Variants in VPS41 observed in about 807,000 individuals in gnomAD.
VPS41 encodes VPS41 subunit of HOPS complex.
In VPS41, 85 loss-of-function variants were observed where a neutral mutation model predicts 130.9. The observed-to-expected ratio is 0.65, with a 90% CI of 0.55 to 0.78. The LOEUF is 0.78. Ranked by LOEUF, VPS41 falls within the 30% of genes least tolerant of loss-of-function variation. The pLI, the probability that VPS41 is intolerant of heterozygous loss-of-function variation, is 0.00. For synonymous variants in VPS41, 335 were observed against 332.9 expected (o/e 1.01, Z -0.07); for missense variants, 874 against 1,018.7 (o/e 0.86, Z 1.93).
chr7:38,800,899 T>C (rs1344994404), intron 7 of VPS41, among the ~76,000 whole-genome samples: 2 of 152,226 alleles, frequency 1.3e-5, no homozygotes, highest in Non-Finnish European at 1.5e-5. Context: ...TTGAGGCATA[T>C]TGAACATGTA....
intron 2 of VPS41, among the ~76,000 whole-genome samples, chr7:38,897,475 C>T (rs889747708): frequency 3.3e-5 from 5 of 151,740 alleles, no homozygotes; most frequent in Non-Finnish European, 5.9e-5. Context: ...GAAACCCTGC[C>T]TCTACTAAAA....
chr7:38,726,319 G>T lies in VPS41; in HGVS notation c.2492C>A (p.Ala831Asp), dbSNP rs1795543092. Reference sequence around the variant, plus strand: ...ACTGCAGATGTTGCAGAACTGTGCAGCAGAGTTCTAAAAATGCAATTTAAA... The same window carrying T: ...ACTGCAGATGTTGCAGAACTGTGCATCAGAGTTCTAAAAATGCAATTTAAA... ...ECLPMPSMNS[A>D]AQFCNICSAK... The change falls in exon 29 of 29, where the codon GCT (alanine) becomes GAT (aspartate). Residue 831 changes from alanine to aspartate, a missense_variant. Coordinates refer to ENST00000310301, the MANE Select transcript of VPS41 (RefSeq NM_014396.4). The T allele has an allele frequency of 6.2e-7, 1 of 1,607,332 alleles. No homozygotes were observed. Among genetic ancestry groups the T allele is most frequent in the Non-Finnish European group, 8.5e-7 (1 of 1,175,502 alleles).
intron 17 of VPS41, 28 bp downstream of exon 17, chr7:38,763,426 GT>G (rs1219910654): frequency 3.4e-6 from 5 of 1,462,026 alleles, no homozygotes; most frequent in Admixed American, 2.2e-5. Context: ...TCGAGAACAA[GT>G]AAATATGACC....
At chr7:38,749,179 G>C in intron 22 of VPS41, among the ~76,000 whole-genome samples, 1 of 152,092 alleles carries the variant, frequency 6.6e-6, no homozygotes, top group Non-Finnish European at 1.5e-5. Context: ...TATAACTAGG[G>C]CTTTTGATGT....
At chr7:38,785,543 T>C (rs1195134889) in intron 10 of VPS41, among the ~76,000 whole-genome samples, 3 of 152,208 alleles carry the variant, frequency 2.0e-5, no homozygotes, top group African/African-American at 7.2e-5. Context: ...CTACCAAATT[T>C]TAGTCTCCTG....
intron 7 of VPS41, among the ~76,000 whole-genome samples, chr7:38,812,656 A>G (rs906136265): frequency 7.2e-5 from 11 of 152,172 alleles, no homozygotes; most frequent in Admixed American, 2.6e-4. Flanking sequence ...GATAAGGAAT[A>G]TCTACCCAGA....
chr7:38,869,285 T>C (rs1786295496), intron 2 of VPS41, 32 bp from the exon 3 acceptor site: 2 of 1,494,422 alleles, frequency 1.3e-6, no homozygotes, highest in South Asian at 1.2e-5. Context: ...ATGACACCCG[T>C]CAGAGATTTA....
intron 18 of VPS41, among the ~76,000 whole-genome samples, chr7:38,757,650 T>G (rs1282236481): frequency 6.6e-6 from 1 of 152,162 alleles, no homozygotes; most frequent in African/African-American, 2.4e-5. Flanking sequence ...TAGGTCATTT[T>G]GGTATACCTT....
intron 12 of VPS41, among the ~76,000 whole-genome samples, chr7:38,773,256 T>C (rs747434265): frequency 9.9e-5 from 15 of 152,162 alleles, no homozygotes; most frequent in Non-Finnish European, 2.2e-4. Flanking sequence ...TTATAAAACC[T>C]GTTCTGAAGG....
chr7:38,826,217 A>C (rs184926676), intron 5 of VPS41, among the ~76,000 whole-genome samples: 1 of 152,314 alleles, frequency 6.6e-6, no homozygotes, highest in East Asian at 1.9e-4. Context: ...TGCTGAACTA[A>C]GGGGATTCTA....
chr7:38,797,287 T>C (rs1367260815), intron 7 of VPS41, among the ~76,000 whole-genome samples: 2 of 152,242 alleles, frequency 1.3e-5, no homozygotes, highest in African/African-American at 2.4e-5. Flanking sequence ...TAAACTGTAA[T>C]AGAAACAGTC....
At chr7:38,758,681 G>A (rs1783854027) in intron 17 of VPS41, among the ~76,000 whole-genome samples, 200 bp from the exon 18 acceptor site, 1 of 152,174 alleles carries the variant, frequency 6.6e-6, no homozygotes, top group Admixed American at 6.5e-5. Context: ...TAAGGATGGG[G>A]TTGGGCACAG....
intron 5 of VPS41, among the ~76,000 whole-genome samples, chr7:38,821,655 C>G (rs1251478701): frequency 2.2e-5 from 3 of 134,762 alleles, no homozygotes; most frequent in African/African-American, 8.5e-5. Flanking sequence ...TGCAGAGAGC[C>G]GAGATTGCGC....
At chr7:38,894,408 CTG>C (rs969345444) in intron 2 of VPS41, among the ~76,000 whole-genome samples, 10 of 149,912 alleles carry the variant, frequency 6.7e-5, no homozygotes, top group Non-Finnish European at 1.5e-4. Flanking sequence ...AGGAGAGTAA[CTG>C]TTTTCATAGA....
chr7:38,814,461 T>TAA (rs753263721), intron 7 of VPS41, among the ~76,000 whole-genome samples: 122 of 152,150 alleles, frequency 8.0e-4, no homozygotes, highest in Admixed American at 1.8e-3. Flanking sequence ...CCATCCTGGC[T>TAA]AACACAGTGA....
At chr7:38,738,573 A>G (rs951715993) in intron 25 of VPS41, among the ~76,000 whole-genome samples, 7 of 152,256 alleles carry the variant, frequency 4.6e-5, no homozygotes, top group Non-Finnish European at 8.8e-5. Context: ...ATGTTTTAAA[A>G]ATAGAAAATG....
intron 7 of VPS41, among the ~76,000 whole-genome samples, chr7:38,814,029 T>C (rs1183903661): frequency 6.6e-6 from 1 of 152,210 alleles, no homozygotes; most frequent in African/African-American, 2.4e-5. Context: ...TATCACAATG[T>C]CCAACTTTCT....
At chr7:38,816,306 C>T (rs1441646953) in intron 7 of VPS41, among the ~76,000 whole-genome samples, 2 of 152,104 alleles carry the variant, frequency 1.3e-5, no homozygotes, top group Admixed American at 1.3e-4. Context: ...GTGATCTTGG[C>T]TTTATGTTGT....
intron 5 of VPS41, among the ~76,000 whole-genome samples, chr7:38,824,332 ACAAACT>A (rs1411460420): frequency 6.6e-6 from 1 of 152,178 alleles, no homozygotes; most frequent in African/African-American, 2.4e-5. Context: ...CCCTGAACAA[ACAAACT>A]CAAACTTTCT....
Sources: gnomAD v4.1 joint callset for allele counts (sites outside exome capture counted in the v4.1 genomes callset) on GRCh38, gnomAD v4.1.1 for gene constraint, MANE v1.5 for transcripts, NCBI Gene and HGNC (gene_info 2026-07-23, HGNC 2026-07-21) for gene names.